The following GPD2 variants were observed in gnomAD, a reference collection of about 807,000 sequenced individuals.
GPD2 encodes glycerol-3-phosphate dehydrogenase, mitochondrial.
A neutral mutation model predicts 82.4 loss-of-function variants in GPD2; 54 were observed. The ratio of observed to expected loss-of-function variants is 0.66; its 90% CI spans 0.53 to 0.82. The LOEUF (loss-of-function observed/expected upper bound fraction) is 0.82, where lower values mean the gene tolerates loss of function less well. Ranked by LOEUF, GPD2 falls within the 40% of genes least tolerant of loss-of-function variation. GPD2 has a pLI of 0.00. For missense variants in GPD2, 748 were observed against 896.2 expected (o/e 0.83, Z 2.11); for synonymous variants, 288 against 306.1 (o/e 0.94, Z 0.62).
chr2:156,489,582 AGAATCCTTGAAG>A (rs1684073165), intron 2 of GPD2, among the ~76,000 whole-genome samples: 1 of 152,174 alleles, frequency 6.6e-6, no homozygotes. Flanking sequence ...CCTGGGCTAT[AGAATCCTTGAAG>A]GCCTCCACAA....
the GPD2 span, among the ~76,000 whole-genome samples, chr2:156,414,056 T>C: frequency 3.3e-5 from 5 of 152,236 alleles, no homozygotes; most frequent in South Asian, 4.1e-4. Flanking sequence ...TCTGCTTAAA[T>C]AACTTTAAGG....
intron 8 of GPD2, among the ~76,000 whole-genome samples, chr2:156,555,291 G>T (rs887876480): frequency 6.6e-6 from 1 of 152,118 alleles, no homozygotes; most frequent in Non-Finnish European, 1.5e-5. Flanking sequence ...ATGTGTGTTG[G>T]TAACCATCAT....
chr2:156,434,468 A>T (rs989193816), upstream of GPD2, among the ~76,000 whole-genome samples: 20 of 143,668 alleles, frequency 1.4e-4, no homozygotes, highest in African/African-American at 5.7e-4. Context: ...TAATTTACAT[A>T]AAAAAACAAA....
At chr2:156,533,156 T>G (rs1226422163) in intron 6 of GPD2, among the ~76,000 whole-genome samples, 3 of 152,248 alleles carry the variant, frequency 2.0e-5, no homozygotes, top group Non-Finnish European at 4.4e-5. Context: ...CTCTCATTGT[T>G]GTTTTCTTCC....
the GPD2 span, among the ~76,000 whole-genome samples, chr2:156,401,288 G>C: frequency 2.0e-5 from 3 of 152,096 alleles, no homozygotes; most frequent in Admixed American, 2.0e-4. Context: ...AAACAATCAC[G>C]TATTTGTGTA....
intron 1 of GPD2, among the ~76,000 whole-genome samples, chr2:156,475,504 G>T (rs1001347495): frequency 2.0e-5 from 3 of 152,008 alleles, no homozygotes; most frequent in Non-Finnish European, 4.4e-5. Context: ...AAAGTGCTGG[G>T]ATTACAAGTG....
chr2:156,539,125 TAAC>T (rs1387698613), intron 6 of GPD2, among the ~76,000 whole-genome samples: 1 of 152,202 alleles, frequency 6.6e-6, no homozygotes, highest in Non-Finnish European at 1.5e-5. Context: ...AAGGTTATCT[TAAC>T]AAAAGGAGAA....
At chr2:156,441,617 T>A (rs1682179392) in intron 1 of GPD2, among the ~76,000 whole-genome samples, 1 of 152,198 alleles carries the variant, frequency 6.6e-6, no homozygotes, top group Admixed American at 6.5e-5. Context: ...TAGCAAATTA[T>A]CAAATTTGAG....
chr2:156,461,012 C>A (rs1304559383), intron 1 of GPD2, among the ~76,000 whole-genome samples: 2 of 151,938 alleles, frequency 1.3e-5, no homozygotes, highest in Non-Finnish European at 2.9e-5. Context: ...AAAAGCAACC[C>A]TCTCTCTCTC....
At chr2:156,425,923 CTTT>C in the GPD2 span, among the ~76,000 whole-genome samples, 5 of 136,376 alleles carry the variant, frequency 3.7e-5, no homozygotes, top group Admixed American at 7.4e-5. Context: ...AGTCTGGGTA[CTTT>C]TTTTTTTTTT....
At chr2:156,489,413 G>A (rs544368581) in intron 2 of GPD2, among the ~76,000 whole-genome samples, 1 of 152,232 alleles carries the variant, frequency 6.6e-6, no homozygotes, top group East Asian at 1.9e-4. Context: ...CCCAGCTAAT[G>A]CCTATTACTT....
chr2:156,541,951 C>G (rs1686340042), intron 6 of GPD2, among the ~76,000 whole-genome samples: 1 of 141,062 alleles, frequency 7.1e-6, no homozygotes, highest in Non-Finnish European at 1.5e-5. Flanking sequence ...AATGAATACC[C>G]AAAGCATGCT....
rs765632756 is a variant in GPD2 at position 156,510,277 on chromosome 2, T to C, written c.275-519T>C. On this transcript the variant is annotated intron_variant, in intron 3 of 16. Coordinates refer to ENST00000438166, the MANE Select transcript of GPD2 (RefSeq NM_000408.5). ...TTCCTTTCTTTGCTATCTCTCCCCA[T>C]TGTATATCTACCATAATACCACTCC... 1.2e-4 allele frequency among the ~76,000 whole-genome samples: 19 copies of C among 152,302 alleles called. 1 individual carries two copies. Among genetic ancestry groups the C allele is most frequent in the Middle Eastern group, 3.4e-3 (1 of 294 alleles).
chr2:156,434,944 AT>A (rs1361498161), upstream of GPD2, among the ~76,000 whole-genome samples: 1 of 152,140 alleles, frequency 6.6e-6, no homozygotes, highest in African/African-American at 2.4e-5. Context: ...GGACTTGCAG[AT>A]CCCACGTCCA....
chr2:156,544,027 C>A (rs745508484), intron 6 of GPD2, among the ~76,000 whole-genome samples: 3 of 152,106 alleles, frequency 2.0e-5, no homozygotes, highest in African/African-American at 7.2e-5. Context: ...TGCTGTAATT[C>A]TTCATACAGA....
intron 2 of GPD2, among the ~76,000 whole-genome samples, chr2:156,484,749 A>G (rs1558921706): frequency 6.6e-6 from 1 of 152,190 alleles, no homozygotes. Flanking sequence ...CTGAGACAGG[A>G]GAATTGCTTG....
chr2:156,559,679 T>C (rs1687097539), intron 9 of GPD2, among the ~76,000 whole-genome samples: 1 of 152,216 alleles, frequency 6.6e-6, no homozygotes, highest in Admixed American at 6.5e-5. Context: ...ATTTCATTCT[T>C]AAGAGTCTCT....
chr2:156,503,813 A>G (rs1423121852), intron 3 of GPD2, among the ~76,000 whole-genome samples: 2 of 152,204 alleles, frequency 1.3e-5, no homozygotes, highest in Non-Finnish European at 1.5e-5. Context: ...CTAGGAAACC[A>G]GGAGGCCATT....
At chr2:156,409,438 A>G in the GPD2 span, among the ~76,000 whole-genome samples, 2 of 152,174 alleles carry the variant, frequency 1.3e-5, no homozygotes, top group African/African-American at 2.4e-5. Context: ...GGCTGACATC[A>G]TAATCCCAGT....
Sources: gnomAD v4.1 joint callset for allele counts (sites outside exome capture counted in the v4.1 genomes callset) on GRCh38, gnomAD v4.1.1 for gene constraint, MANE v1.5 for transcripts, NCBI Gene and HGNC (gene_info 2026-07-23, HGNC 2026-07-21) for gene names.